The following EPN3 variants were observed in gnomAD, a reference collection of about 807,000 sequenced individuals.
EPN3 encodes epsin-3.
Under a neutral mutation model 55.5 loss-of-function variants are expected in EPN3, and 56 were observed. The observed-to-expected ratio is 1.01, with a 90% CI of 0.81 to 1.26. The LOEUF (loss-of-function observed/expected upper bound fraction) is 1.26, where lower values mean the gene tolerates loss of function less well. Ranked by LOEUF, EPN3 falls within the 50% of genes most tolerant of loss-of-function variation. The probability of loss-of-function intolerance (pLI) is 0.00; values close to 1 mark genes in which losing one functional copy is unlikely to be tolerated. For missense variants in EPN3, 927 were observed against 853.4 expected (o/e 1.09, Z -1.07); for synonymous variants, 449 against 375.2 (o/e 1.20, Z -2.27).
rs2034773948 is a variant in EPN3 at position 50,537,025 on chromosome 17, G to A, written c.469G>A (p.Glu157Lys). The change falls in exon 2 of 10, where the codon GAG becomes AAG. Residue 157 changes from glutamate to lysine, a missense_variant. Glu to Lys is a moderately conservative substitution (Grantham distance 56). Coordinates refer to ENST00000268933, the MANE Select transcript of EPN3 (RefSeq NM_017957.3). Reference protein sequence around the residue: ...ALKTKERMALEGIGIGSGQLG... With the variant: ...ALKTKERMALKGIGIGSGQLG... Reference sequence around the variant, plus strand: ...CAAGACCAAGGAGCGCATGGCACTGGAGGGCATCGGCATTGGCAGTGGGCA... The same window carrying A: ...CAAGACCAAGGAGCGCATGGCACTGAAGGGCATCGGCATTGGCAGTGGGCA... 6.2e-7 allele frequency: 1 copy of A among 1,613,088 alleles called. No homozygotes were observed. Among genetic ancestry groups the A allele is most frequent in the South Asian group, 1.1e-5 (1 of 91,078 alleles).
intron 4 of EPN3, 35 bp downstream of exon 4, chr17:50,538,999 C>T: frequency 6.4e-7 from 1 of 1,565,070 alleles, no homozygotes; most frequent in Non-Finnish European, 8.7e-7. Flanking sequence ...GCCGGTGCTG[C>T]TGCTGCTGCT....
Position 50,538,926 on chromosome 17 carries a change from C to CAGCTGG in EPN3, c.725_730dup (p.Leu243_Ala244insGluLeu). On this transcript the variant is annotated inframe_insertion, in exon 4 of 10. Transcript: ENST00000268933. ...CCACAGGGACGAGGACCTGCAGCTG[C>CAGCTGG]AGCTGGCTCTGCGCCTGAGCCGGCA... is the stretch of plus-strand genomic sequence containing the variant. 1 of 1,608,492 alleles carries CAGCTGG rather than the reference C, an allele frequency of 6.2e-7. No homozygotes were observed.
intron 9 of EPN3, 63 bp downstream of exon 9, chr17:50,541,757 A>T: frequency 6.2e-7 from 1 of 1,607,726 alleles, no homozygotes; most frequent in Non-Finnish European, 8.5e-7. Flanking sequence ...CCTCCGCCGG[A>T]GGAGCCCACT....
Position 50,532,793 on chromosome 17 carries a change from T to C in EPN3, c.-329T>C. ...GCACGCGGGAAGAGCTGCTACCCAT[T>C]CCAGGGACCCTGCCGCTGCCCCTCT... On this transcript the variant is annotated 5_prime_UTR_variant, in exon 1 of 10. Transcript: ENST00000268933. 1.1e-6 allele frequency: 1 copy of C among 948,522 alleles called. No homozygotes were observed. The highest frequency in any genetic ancestry group is 1.4e-6 in the Non-Finnish European group (1 of 703,974). 58.8% of individuals were successfully genotyped at this position (948,522 alleles called of 1,614,324 possible). A position where few individuals can be genotyped will look rare whatever the true frequency, so the allele number is the denominator to read the frequency against.
rs2034689210 is a variant in EPN3 at position 50,532,802 on chromosome 17, C to T, written c.-320C>T. ...AAGAGCTGCTACCCATTCCAGGGAC[C>T]CTGCCGCTGCCCCTCTGAGGGGTCT... is the stretch of plus-strand genomic sequence containing the variant. On this transcript the variant is annotated 5_prime_UTR_variant, in exon 1 of 10. Transcript: ENST00000268933. 1 of 1,027,636 alleles carries T rather than the reference C, an allele frequency of 9.7e-7. No homozygotes were observed. The highest frequency in any genetic ancestry group is 1.7e-5 in the African/African-American group (1 of 58,290). 63.7% of individuals were successfully genotyped at this position (1,027,636 alleles called of 1,614,324 possible). A position where few individuals can be genotyped will look rare whatever the true frequency, so the allele number is the denominator to read the frequency against.
In EPN3 at chr17:50,537,106, T is replaced by A. The variant is rs756769819; in HGVS notation, c.550T>A (p.Ser184Thr). ...CTACAGCCGCTCCCGGGGCTCCCCG[T>A]CCTCCTACAACTGTGAGTAAGCCCC... ...EDYSRSRGSP[S>T]SYNSSSSSPR... Residue 184 changes from serine (S) to threonine (T), a missense_variant, in exon 2 of 10, where the codon TCC becomes ACC. Ser to Thr is a moderately conservative substitution (Grantham distance 58, BLOSUM62 1). Transcript: ENST00000268933. The A allele has an allele frequency of 4.7e-5, 76 of 1,602,350 alleles. No homozygotes were observed. The highest frequency in any genetic ancestry group is 6.2e-5 in the Non-Finnish European group (73 of 1,176,178).
chr17:50,542,240 C>T lies in EPN3; in HGVS notation c.*83C>T, dbSNP rs2034861115. 7.3e-7 allele frequency: 1 copy of T among 1,361,212 alleles called. No individual in the cohort carries two copies. Among genetic ancestry groups the T allele is most frequent in the East Asian group, 3.2e-5 (1 of 31,568 alleles). 84.3% of individuals were successfully genotyped at this position (1,361,212 alleles called of 1,614,324 possible). ...CCGGACCCGGGGCTGGGCGGGGCGC[C>T]GGTGCTAGTGGAACGCCGAGCCAGT... is the stretch of plus-strand genomic sequence containing the variant. On this transcript the variant is annotated 3_prime_UTR_variant, in exon 10 of 10. Coordinates refer to ENST00000268933, the MANE Select transcript of EPN3 (RefSeq NM_017957.3).
At position 50,532,911 on chromosome 17, in the gene EPN3, G is replaced by C. The variant is rs755046; in HGVS notation, c.-211G>C. ...GACGCTCCCGAGGCTGTGCCGTCCC[G>C]CTGCTGCACAGGTCGGAGGGTCACC... On this transcript the variant is annotated 5_prime_UTR_variant, in exon 1 of 10. Transcript: ENST00000268933. 941,762 of 1,283,724 alleles carry C rather than the reference G, an allele frequency of 0.73. 347,173 individuals carry two copies. Among genetic ancestry groups the C allele is most frequent in the East Asian group, 0.88 (15,449 of 17,470 alleles). The allele number at this position is 1,283,724 out of a possible 1,614,324, so 79.5% of individuals were successfully genotyped here. A position where few individuals can be genotyped will look rare whatever the true frequency, so the allele number is the denominator to read the frequency against.
chr17:50,540,882 C>T lies in EPN3; in HGVS notation c.1069C>T (p.Arg357Ter), dbSNP rs145595403. The T allele has an allele frequency of 9.3e-6, 15 of 1,614,032 alleles. No individual in the cohort carries two copies. In the Admixed American group the frequency reaches 1.2e-4, roughly 13 times the overall value. The change falls in exon 7 of 10, where the codon CGA becomes TGA. Residue 357 changes from arginine (R) to a stop codon, truncating the protein, a stop_gained. Transcript: ENST00000268933. LOFTEE classifies it high-confidence loss of function. ...GATCCCCTCAGGAACCGTCCTGTCCCGAAGCCAGCCCTGGGATCTGACTCC... is the reference window on the plus strand; with the variant it reads ...GATCCCCTCAGGAACCGTCCTGTCCTGAAGCCAGCCCTGGGATCTGACTCC... ...SPIPSGTVLS[R>*]SQPWDLTPML...
At chr17:50,540,214 CT>C (rs2034826638) in intron 5 of EPN3, 32 bp from the exon 6 acceptor site, 14 of 1,597,880 alleles carry the variant, frequency 8.8e-6, no homozygotes, top group Non-Finnish European at 1.1e-5. Flanking sequence ...GCCCCGCCCA[CT>C]TCTGAGCCGC....
In EPN3 at chr17:50,540,961, C is replaced by T. The variant is rs1319310906; in HGVS notation, c.1148C>T (p.Pro383Leu). Residue 383 changes from proline (P) to leucine (L), a missense_variant, in exon 7 of 10, where the codon CCC becomes CTC. Pro to Leu is a moderately conservative substitution (Grantham distance 98). Transcript: ENST00000268933. ...WGRTPVLPAGPPTTDPWALNS... is the reference protein window; with the variant it reads ...WGRTPVLPAGLPTTDPWALNS... ...AGGACCCCAGTGCTGCCTGCTGGGCCCCCCACCACAGACCCCTGGGCCCTG... is the reference window on the plus strand; with the variant it reads ...AGGACCCCAGTGCTGCCTGCTGGGCTCCCCACCACAGACCCCTGGGCCCTG... The T allele has an allele frequency of 1.2e-6, 2 of 1,613,178 alleles. No individual in the cohort carries two copies. The highest frequency in any genetic ancestry group is 2.2e-5 in the South Asian group (2 of 91,016).
rs578167201 is a variant in EPN3, at chr17:50,537,814, T to C, written c.563-265T>C. ...AAGAGCTGGAGTCAGGGCACCTGGG[T>C]TCAAGTCCTGCTTCAGGAACCTGGT... On this transcript the variant is annotated intron_variant, in intron 2 of 9. Transcript: ENST00000268933. 375 of 440,764 alleles carry C rather than the reference T, an allele frequency of 8.5e-4. 9 individuals carry two copies. In the South Asian group the frequency reaches 0.015, roughly 18 times the overall value. The allele number at this position is 440,764 out of a possible 1,614,324, so 27.3% of individuals were successfully genotyped here.
chr17:50,533,727 A>G (rs1428995417), intron 1 of EPN3, among the ~76,000 whole-genome samples: 1 of 152,002 alleles, frequency 6.6e-6, no homozygotes, highest in Non-Finnish European at 1.5e-5. Context: ...TGCAGGAGAG[A>G]GCTGATACTC....
chr17:50,537,568 CT>C (rs2034782906), intron 2 of EPN3: 1 of 201,718 alleles, frequency 5.0e-6, no homozygotes, highest in South Asian at 1.0e-4. Context: ...TGGCATTCCC[CT>C]TCATCCCCCT....
intron 1 of EPN3, among the ~76,000 whole-genome samples, chr17:50,535,196 C>G (rs1008549094): frequency 1.3e-5 from 2 of 152,186 alleles, no homozygotes; most frequent in South Asian, 4.1e-4. Context: ...TTGGAGAACC[C>G]AGACTGTTCC....
chr17:50,538,869 T>C lies in EPN3; in HGVS notation c.682-15T>C. On this transcript the variant is annotated splice_polypyrimidine_tract_variant and intron_variant, in intron 3 of 9. Coordinates refer to ENST00000268933, the MANE Select transcript of EPN3 (RefSeq NM_017957.3). ...GGGGGTACAGGGCCAAGTTTACCCC[T>C]CTCTTCCTCCGCAGCCTGTCCCCCC... 1 of 1,573,882 alleles carries C rather than the reference T, an allele frequency of 6.4e-7. No individual in the cohort carries two copies. Among genetic ancestry groups the C allele is most frequent in the East Asian group, 2.3e-5 (1 of 44,288 alleles).
chr17:50,535,909 C>T (rs2034753412), intron 1 of EPN3: 1 of 152,396 alleles, frequency 6.6e-6, no homozygotes, highest in South Asian at 2.1e-4. Context: ...AGCGGGCATT[C>T]CTGGAATCCT....
Position 50,542,074 on chromosome 17 carries a change from G to C in EPN3, c.1816G>C (p.Ala606Pro), listed in dbSNP as rs941889057. Residue 606 changes from alanine to proline, a missense_variant, in exon 10 of 10, where the codon GCA becomes CCA. Physicochemically the swap from Ala to Pro is conservative, Grantham distance 27 (BLOSUM62 -1). Coordinates refer to ENST00000268933, the MANE Select transcript of EPN3 (RefSeq NM_017957.3). ...CGTCTTCCCGCAGGCCGGAGCCTTCGCACCGCAGCCGCTGCTGCCCACGCC... is the reference window on the plus strand; with the variant it reads ...CGTCTTCCCGCAGGCCGGAGCCTTCCCACCGCAGCCGCTGCTGCCCACGCC... ...VSVFPQAGAF[A>P]PQPLLPTPSS... 5.7e-6 allele frequency: 9 copies of C among 1,582,064 alleles called. No individual in the cohort carries two copies. The highest frequency in any genetic ancestry group is 5.1e-5 in the Admixed American group (3 of 58,792).
chr17:50,540,593 C>T (rs1414419674), intron 6 of EPN3, among the ~76,000 whole-genome samples, 200 bp from the exon 7 acceptor site: 1 of 152,216 alleles, frequency 6.6e-6, no homozygotes, highest in Non-Finnish European at 1.5e-5. Flanking sequence ...GGAAGGTGGC[C>T]TGAGTCGCCC....
Sources: gnomAD v4.1 joint callset for allele counts (sites outside exome capture counted in the v4.1 genomes callset) on GRCh38, gnomAD v4.1.1 for gene constraint, MANE v1.5 for transcripts, NCBI Gene and HGNC (gene_info 2026-07-23, HGNC 2026-07-21) for gene names.